RCAN2: variants seen among roughly 807,000 people sequenced by gnomAD.
The protein encoded by RCAN2 is regulator of calcineurin 2, also known as calcipressin-2.
Under a neutral mutation model 23.6 loss-of-function variants are expected in RCAN2, and 9 were observed. The ratio of observed to expected loss-of-function variants is 0.38; its 90% CI spans 0.23 to 0.67. The LOEUF (loss-of-function observed/expected upper bound fraction) is 0.67. Ranked by LOEUF, RCAN2 falls within the 30% of genes least tolerant of loss-of-function variation. The pLI is 0.51. For missense variants in RCAN2, 273 were observed against 302.3 expected (o/e 0.90, Z 0.72); for synonymous variants, 109 against 115.7 (o/e 0.94, Z 0.37).
chr6:46,281,382 T>A (rs181180886), intron 2 of RCAN2, among the ~76,000 whole-genome samples: 1 of 152,354 alleles, frequency 6.6e-6, no homozygotes, highest in Admixed American at 6.5e-5. Context: ...GGAGTTGCCA[T>A]CTGGGAATGA....
chr6:46,356,134 G>A (rs758808924), intron 2 of RCAN2, among the ~76,000 whole-genome samples: 1 of 152,164 alleles, frequency 6.6e-6, no homozygotes, highest in Non-Finnish European at 1.5e-5. Context: ...ATGGAAACAG[G>A]GCCAGTAAAT....
intron 2 of RCAN2, among the ~76,000 whole-genome samples, chr6:46,425,807 T>A (rs746253107): frequency 2.6e-5 from 4 of 152,084 alleles, no homozygotes; most frequent in Non-Finnish European, 5.9e-5. Context: ...TCAATTACAA[T>A]TATACATTAA....
rs530996000 is a variant in RCAN2, at chr6:46,391,264, A to C, written c.225+65488T>G. Among the ~76,000 whole-genome samples, 6 of 152,322 alleles carry C rather than the reference A, an allele frequency of 3.9e-5. No individual in the cohort carries two copies. The East Asian group carries it at 1.2e-3, about 29-fold the overall frequency. The stretch of plus-strand genomic sequence containing the variant: ...CATGTCTTTTGTAGGGACATGGATG[A>C]AGCTGGAAACCATCATTCTCAGCAA... On this transcript the variant is annotated intron_variant, in intron 2 of 4. Transcript: ENST00000371374.
intron 2 of RCAN2, among the ~76,000 whole-genome samples, chr6:46,408,159 GGA>G (rs1766453456): frequency 6.6e-6 from 1 of 152,212 alleles, no homozygotes; most frequent in South Asian, 2.1e-4. Flanking sequence ...GATACCTCAA[GGA>G]GAGAGCCTTT....
chr6:46,232,351 G>T (rs983691236), intron 4 of RCAN2, among the ~76,000 whole-genome samples: 2 of 152,212 alleles, frequency 1.3e-5, no homozygotes, highest in Admixed American at 1.3e-4. Context: ...ATAATCTGCA[G>T]ACATTGCTAA....
chr6:46,223,566 G>A (rs1285047086), intron 4 of RCAN2, among the ~76,000 whole-genome samples: 1 of 152,136 alleles, frequency 6.6e-6, no homozygotes, highest in Non-Finnish European at 1.5e-5. Context: ...TTTCAACATG[G>A]TAATACTTCC....
intron 1 of RCAN2, among the ~76,000 whole-genome samples, chr6:46,467,827 G>A (rs1318028724): frequency 1.3e-5 from 2 of 152,216 alleles, no homozygotes; most frequent in Admixed American, 6.5e-5. Flanking sequence ...CTCTTCGGAA[G>A]AGACTGTACC....
At chr6:46,266,211 C>A (rs1455176674) in intron 2 of RCAN2, among the ~76,000 whole-genome samples, 1 of 152,148 alleles carries the variant, frequency 6.6e-6, no homozygotes, top group African/African-American at 2.4e-5. Flanking sequence ...CACTTCCTGA[C>A]TCTGAATAAA....
chr6:46,417,966 C>T (rs973745871), intron 2 of RCAN2, among the ~76,000 whole-genome samples: 31 of 152,300 alleles, frequency 2.0e-4, no homozygotes, highest in African/African-American at 7.5e-4. Flanking sequence ...AGTCACACAG[C>T]TATTAAATGA....
chr6:46,379,960 T>C (rs963810577), intron 2 of RCAN2, among the ~76,000 whole-genome samples: 3 of 152,146 alleles, frequency 2.0e-5, no homozygotes, highest in Non-Finnish European at 2.9e-5. Context: ...TAGAAAAACC[T>C]TCCAAAAAGA....
chr6:46,383,722 C>G (rs1450188729), intron 2 of RCAN2, among the ~76,000 whole-genome samples: 4 of 152,140 alleles, frequency 2.6e-5, no homozygotes, highest in Admixed American at 2.6e-4. Flanking sequence ...CCACATGTGG[C>G]TACTGGCCAA....
chr6:46,245,619 A>G (rs1018671328), intron 4 of RCAN2, among the ~76,000 whole-genome samples: 2 of 152,184 alleles, frequency 1.3e-5, no homozygotes, highest in African/African-American at 4.8e-5. Context: ...CTACATTAAG[A>G]AATGCTGGTA....
intron 2 of RCAN2, among the ~76,000 whole-genome samples, chr6:46,371,869 T>C (rs1765327275): frequency 6.6e-6 from 1 of 152,240 alleles, no homozygotes; most frequent in African/African-American, 2.4e-5. Context: ...AAGTTGTTCC[T>C]CTTTTTATAA....
chr6:46,311,553 G>A (rs1247172119), intron 2 of RCAN2, among the ~76,000 whole-genome samples: 1 of 152,178 alleles, frequency 6.6e-6, no homozygotes, highest in East Asian at 1.9e-4. Flanking sequence ...AACTGCAAGT[G>A]CCAAGGCATG....
intron 2 of RCAN2, among the ~76,000 whole-genome samples, chr6:46,354,903 G>A (rs1480234228): frequency 2.3e-5 from 1 of 43,336 alleles, no homozygotes; most frequent in African/African-American, 5.3e-5. Context: ...ATATATGTGT[G>A]TGTGTGTGTG....
intron 2 of RCAN2, among the ~76,000 whole-genome samples, chr6:46,384,499 T>C (rs1332210078): frequency 1.3e-5 from 2 of 152,224 alleles, no homozygotes; most frequent in Admixed American, 6.5e-5. Flanking sequence ...AGAGAGGACA[T>C]TCCTATTATC....
chr6:46,408,058 G>A (rs185800516), intron 2 of RCAN2, among the ~76,000 whole-genome samples: 1 of 152,166 alleles, frequency 6.6e-6, no homozygotes, highest in African/African-American at 2.4e-5. Context: ...CCTCAGGAGG[G>A]AAGCTGCTTA....
At chr6:46,295,709 G>A (rs1451015782) in intron 2 of RCAN2, among the ~76,000 whole-genome samples, 1 of 152,030 alleles carries the variant, frequency 6.6e-6, no homozygotes, top group Non-Finnish European at 1.5e-5. Context: ...AGGAAACATG[G>A]CATCAAAAGA....
At chr6:46,264,486 AC>A (rs920203360) in intron 2 of RCAN2, among the ~76,000 whole-genome samples, 1 of 152,048 alleles carries the variant, frequency 6.6e-6, no homozygotes, top group Non-Finnish European at 1.5e-5. Flanking sequence ...TCTCCATCTC[AC>A]CTTTTCTATT....
Sources: allele counts gnomAD v4.1 joint callset (sites outside exome capture counted in the v4.1 genomes callset), GRCh38; gene constraint gnomAD v4.1.1; transcripts MANE v1.5; gene names NCBI Gene and HGNC (gene_info 2026-07-23, HGNC 2026-07-21).